Variants in PCSK2 observed in about 807,000 individuals in gnomAD.
PCSK2 encodes neuroendocrine convertase 2.
A neutral mutation model predicts 69.7 loss-of-function variants in PCSK2; 14 were observed. That is an observed-to-expected ratio of 0.20 (90% CI 0.13 to 0.31). PCSK2 has a LOEUF of 0.31. Ranked by LOEUF, PCSK2 falls within the 10% of genes least tolerant of loss-of-function variation. The pLI, the probability that PCSK2 is intolerant of heterozygous loss-of-function variation, is 1.00. For synonymous variants in PCSK2, 307 were observed against 320.7 expected (o/e 0.96, Z 0.46); for missense variants, 544 against 842.5 (o/e 0.65, Z 4.39).
chr20:17,404,200 C>A (rs982561425), intron 5 of PCSK2, among the ~76,000 whole-genome samples: 1 of 152,222 alleles, frequency 6.6e-6, no homozygotes, highest in Non-Finnish European at 1.5e-5. Context: ...CTGTACACAA[C>A]AGCCCTGATT....
intron 5 of PCSK2, among the ~76,000 whole-genome samples, chr20:17,391,240 C>T (rs915825626): frequency 3.3e-5 from 5 of 152,096 alleles, no homozygotes; most frequent in African/African-American, 1.2e-4. Flanking sequence ...ATTTTGATCT[C>T]AAAGACAGGA....
chr20:17,317,557 G>C (rs900804793), intron 2 of PCSK2, among the ~76,000 whole-genome samples: 2 of 152,106 alleles, frequency 1.3e-5, no homozygotes, highest in African/African-American at 2.4e-5. Context: ...TTTATTAGAC[G>C]TGTTTTTCTT....
At chr20:17,253,663 T>G (rs1371365089) in intron 1 of PCSK2, among the ~76,000 whole-genome samples, 2 of 152,242 alleles carry the variant, frequency 1.3e-5, no homozygotes, top group Non-Finnish European at 2.9e-5. Flanking sequence ...AATGTTGCTA[T>G]AAACATTTGT....
chr20:17,365,907 A>C (rs746053405), intron 4 of PCSK2, among the ~76,000 whole-genome samples: 2 of 152,196 alleles, frequency 1.3e-5, no homozygotes, highest in Non-Finnish European at 2.9e-5. Flanking sequence ...TTCACTGGGC[A>C]CAGCTCATGC....
At chr20:17,251,837 C>G (rs1038125386) in intron 1 of PCSK2, among the ~76,000 whole-genome samples, 1 of 152,152 alleles carries the variant, frequency 6.6e-6, no homozygotes, top group Non-Finnish European at 1.5e-5. Flanking sequence ...GAAGACTCAA[C>G]AGCTAGAGGA....
intron 6 of PCSK2, among the ~76,000 whole-genome samples, chr20:17,427,010 C>T (rs2032262011): frequency 6.6e-6 from 1 of 152,202 alleles, no homozygotes; most frequent in Admixed American, 6.5e-5. Context: ...AGTTAAAGAT[C>T]ATGGTTAAGA....
At chr20:17,292,330 C>T (rs1056642858) in intron 2 of PCSK2, among the ~76,000 whole-genome samples, 4 of 150,802 alleles carry the variant, frequency 2.7e-5, no homozygotes, top group Non-Finnish European at 5.9e-5. Context: ...TAAAGATCTG[C>T]CCCCATTCCA....
chr20:17,437,894 A>G (rs1169465289), intron 8 of PCSK2, among the ~76,000 whole-genome samples: 1 of 152,122 alleles, frequency 6.6e-6, no homozygotes, highest in Non-Finnish European at 1.5e-5. Context: ...AGCTGTTCTG[A>G]TGCATCCATC....
chr20:17,265,232 A>G (rs1987550434), intron 2 of PCSK2, among the ~76,000 whole-genome samples: 1 of 152,206 alleles, frequency 6.6e-6, no homozygotes, highest in African/African-American at 2.4e-5. Flanking sequence ...ATGGAATTTG[A>G]GGTGACCTCT....
intron 2 of PCSK2, among the ~76,000 whole-genome samples, chr20:17,278,849 C>A (rs984582788): frequency 6.6e-6 from 1 of 150,740 alleles, no homozygotes; most frequent in East Asian, 2.0e-4. Context: ...ACCTCTGTTG[C>A]CTTTTTTTTT....
rs1335544860 is a variant in PCSK2, at chr20:17,275,103, A to G, written c.282+14759A>G. 4.1e-5 allele frequency among the ~76,000 whole-genome samples: 6 copies of G among 147,344 alleles called. 1 individual carries two copies. The highest frequency in any genetic ancestry group is 4.5e-5 in the Non-Finnish European group (3 of 67,110). On this transcript the variant is annotated intron_variant, in intron 2 of 11. Transcript: ENST00000262545. ...TTTATACATATATATATATATATATATATATATATAATGTTGGGCGACTAA... is the reference window on the plus strand; with the variant it reads ...TTTATACATATATATATATATATATGTATATATATAATGTTGGGCGACTAA...
intron 9 of PCSK2, among the ~76,000 whole-genome samples, 194 bp downstream of exon 9, chr20:17,454,151 T>C (rs976025332): frequency 6.6e-6 from 1 of 152,172 alleles, no homozygotes; most frequent in African/African-American, 2.4e-5. Flanking sequence ...ATCTGCGAGC[T>C]AGTAGCATGA....
chr20:17,443,401 G>A (rs2123363195), intron 8 of PCSK2, among the ~76,000 whole-genome samples: 1 of 152,194 alleles, frequency 6.6e-6, no homozygotes, highest in African/African-American at 2.4e-5. Flanking sequence ...AAGCATTTAG[G>A]ATGAAATTTT....
intron 5 of PCSK2, among the ~76,000 whole-genome samples, chr20:17,387,467 C>T (rs377322509): frequency 1.2e-4 from 19 of 152,282 alleles, no homozygotes; most frequent in East Asian, 1.2e-3. Flanking sequence ...GCTGGAGGAT[C>T]GACTTCCAAG....
rs140430763 is a variant in PCSK2 at position 17,431,257 on chromosome 20, G to T, written c.709+1734G>T. On this transcript the variant is annotated intron_variant, in intron 7 of 11. Coordinates refer to ENST00000262545, the MANE Select transcript of PCSK2 (RefSeq NM_002594.5). The stretch of plus-strand genomic sequence containing the variant: ...GAGAACACCCCTCAGAATTGACCCC[G>T]CTAATGTGAGGAGGCTGCGGCATTA... Among the ~76,000 whole-genome samples the T allele has an allele frequency of 2.6e-5, 4 of 152,268 alleles. No homozygotes were observed. The South Asian group carries it at 8.3e-4, about 32-fold the overall frequency.
chr20:17,310,641 G>A (rs910816472), intron 2 of PCSK2, among the ~76,000 whole-genome samples: 1 of 150,072 alleles, frequency 6.7e-6, no homozygotes, highest in Non-Finnish European at 1.5e-5. Flanking sequence ...TAGAGAGTAG[G>A]TTTCATTTAT....
chr20:17,405,885 C>G (rs2031740038), intron 5 of PCSK2, among the ~76,000 whole-genome samples: 2 of 152,142 alleles, frequency 1.3e-5, no homozygotes, highest in African/African-American at 4.8e-5. Context: ...TGGAATCAAC[C>G]CAACCTTCTC....
intron 1 of PCSK2, among the ~76,000 whole-genome samples, chr20:17,229,327 G>C (rs1188804296): frequency 4.6e-5 from 7 of 151,578 alleles, no homozygotes. Flanking sequence ...GGTGCTTTCA[G>C]GGGATGTGGG....
At chr20:17,283,162 A>G (rs1191088717) in intron 2 of PCSK2, among the ~76,000 whole-genome samples, 3 of 152,234 alleles carry the variant, frequency 2.0e-5, no homozygotes, top group Non-Finnish European at 4.4e-5. Context: ...TATAAAAGCT[A>G]GATGGAGAGA....
Sources: allele counts gnomAD v4.1 joint callset (sites outside exome capture counted in the v4.1 genomes callset), GRCh38; gene constraint gnomAD v4.1.1; transcripts MANE v1.5; gene names NCBI Gene and HGNC (gene_info 2026-07-23, HGNC 2026-07-21).